The following SAMD4A variants were observed in gnomAD, a reference collection of about 807,000 sequenced individuals.
SAMD4A encodes protein Smaug homolog 1.
SAMD4A carries 33 observed loss-of-function variants against 81.3 expected under a neutral mutation model. The observed-to-expected ratio is 0.41, with a 90% CI of 0.31 to 0.54. The LOEUF (loss-of-function observed/expected upper bound fraction) is 0.54, where lower values mean the gene tolerates loss of function less well. Among genes scored for constraint, SAMD4A ranks in the 20% least tolerant of loss-of-function variants. SAMD4A has a pLI of 0.37. For missense variants in SAMD4A, 854 were observed against 951.1 expected (o/e 0.90, Z 1.34); for synonymous variants, 389 against 382.1 (o/e 1.02, Z -0.21).
intron 2 of SAMD4A, among the ~76,000 whole-genome samples, chr14:54,647,795 C>T (rs2035317231): frequency 6.6e-6 from 1 of 152,182 alleles, no homozygotes; most frequent in African/African-American, 2.4e-5. Flanking sequence ...ATGGAATTTA[C>T]TCTCATAGAT....
At chr14:54,776,330 T>C in intron 10 of SAMD4A, 84 bp from the exon 11 acceptor site, 1 of 1,434,566 alleles carries the variant, frequency 7.0e-7, no homozygotes, top group Admixed American at 2.5e-5. Context: ...CTGGGATCTT[T>C]GCCTCCCAAA....
intron 2 of SAMD4A, among the ~76,000 whole-genome samples, chr14:54,602,323 T>TACACACACACAC (rs3049830): frequency 1.2e-4 from 16 of 136,640 alleles, no homozygotes; most frequent in South Asian, 7.5e-4. Context: ...TGCTTTAAAA[T>TACACACACACAC]ACACACACAC....
At chr14:54,730,334 T>C (rs983136460) in intron 3 of SAMD4A, among the ~76,000 whole-genome samples, 6 of 152,350 alleles carry the variant, frequency 3.9e-5, no homozygotes, top group African/African-American at 1.4e-4. Context: ...TGTGATGTTC[T>C]TTGCAGCTTT....
intron 2 of SAMD4A, among the ~76,000 whole-genome samples, chr14:54,619,464 A>G (rs1389393378): frequency 6.6e-6 from 1 of 152,230 alleles, no homozygotes; most frequent in Non-Finnish European, 1.5e-5. Flanking sequence ...GACTATAACA[A>G]GTTTAACCAA....
intron 8 of SAMD4A, among the ~76,000 whole-genome samples, chr14:54,766,317 C>A (rs1051683284): frequency 8.5e-5 from 13 of 152,290 alleles, no homozygotes; most frequent in African/African-American, 3.1e-4. Context: ...TCCCTAGATA[C>A]TTACTGAGCA....
intron 11 of SAMD4A, among the ~76,000 whole-genome samples, chr14:54,778,641 A>G (rs544136715): frequency 6.6e-6 from 1 of 152,308 alleles, no homozygotes; most frequent in South Asian, 2.1e-4. Context: ...TCTCTCAAGT[A>G]TTACAAACCC....
At chr14:54,587,356 AATCATATC>A (rs1229845499) in intron 2 of SAMD4A, among the ~76,000 whole-genome samples, 1 of 152,196 alleles carries the variant, frequency 6.6e-6, no homozygotes, top group Non-Finnish European at 1.5e-5. Context: ...CTAGGTATAC[AATCATATC>A]ATCAGCAAAC....
At chr14:54,727,165 C>CTTTTTT (rs1457611492) in intron 3 of SAMD4A, among the ~76,000 whole-genome samples, 1 of 79,882 alleles carries the variant, frequency 1.3e-5, no homozygotes, top group Non-Finnish European at 3.0e-5. Flanking sequence ...TTCTTTTTTT[C>CTTTTTT]CTTTTTTTTT....
intron 3 of SAMD4A, among the ~76,000 whole-genome samples, chr14:54,707,408 A>G (rs557841197): frequency 6.8e-4 from 103 of 152,090 alleles, no homozygotes; most frequent in African/African-American, 2.4e-3. Flanking sequence ...CCAGCCTGAC[A>G]TACATTATTG....
At chr14:54,775,836 C>T (rs890296043) in intron 10 of SAMD4A, among the ~76,000 whole-genome samples, 26 of 151,908 alleles carry the variant, frequency 1.7e-4, no homozygotes, top group African/African-American at 5.8e-4. Flanking sequence ...TCAGGCAAGA[C>T]GGGCAGGATT....
chr14:54,751,520 C>T lies in SAMD4A; in HGVS notation c.1159C>T (p.Leu387=), dbSNP rs2038100956. The T allele has an allele frequency of 6.2e-7, 1 of 1,605,354 alleles. No homozygotes were observed. The highest frequency in any genetic ancestry group is 1.3e-5 in the African/African-American group (1 of 74,698). Residue 387 remains leucine (L), a synonymous_variant, in exon 6 of 13, where the codon CTG becomes TTG. Transcript: ENST00000554335. The part of the protein sequence containing the change: ...IQKLKERQNL[L]KSLERDIIEG... ...GAAGCTCAAAGAAAGACAAAATCTC[C>T]TGAAGTCTTTGGAAAGGGTAAGTTA... is the stretch of plus-strand genomic sequence containing the variant.
chr14:54,609,641 C>G (rs988353933), intron 2 of SAMD4A, among the ~76,000 whole-genome samples: 2 of 152,192 alleles, frequency 1.3e-5, no homozygotes, highest in Admixed American at 6.5e-5. Context: ...TTTAACAAGA[C>G]AAGTTTGAAA....
intron 3 of SAMD4A, among the ~76,000 whole-genome samples, chr14:54,724,007 T>TGGAAGGAAGGAAGGA (rs1555347507): frequency 1.6e-5 from 2 of 124,176 alleles, no homozygotes; most frequent in Non-Finnish European, 3.4e-5. Flanking sequence ...GATGGATGGA[T>TGGAAGGAAGGAAGGA]GGAAGGAAGG....
chr14:54,604,532 G>A (rs2034147192), intron 2 of SAMD4A, among the ~76,000 whole-genome samples: 1 of 152,208 alleles, frequency 6.6e-6, no homozygotes, highest in African/African-American at 2.4e-5. Flanking sequence ...TTGATGGCAT[G>A]TCTATGCAAC....
intron 2 of SAMD4A, among the ~76,000 whole-genome samples, chr14:54,687,573 G>C (rs1006245805): frequency 6.6e-6 from 1 of 152,202 alleles, no homozygotes; most frequent in Non-Finnish European, 1.5e-5. Context: ...GAGCATCTGG[G>C]CCGGCGATGC....
chr14:54,775,004 C>G lies in SAMD4A; in HGVS notation c.1786C>G (p.Pro596Ala). 6 of 1,614,186 alleles carry G rather than the reference C, an allele frequency of 3.7e-6. No homozygotes were observed. Among genetic ancestry groups the G allele is most frequent in the Non-Finnish European group, 5.1e-6 (6 of 1,180,026 alleles). ...GGGCGGTGGCATGGGCAGACGGAAC[C>G]CGCGCCAGTACCAGATCCCCTCTCG... ...SVGGGMGRRN[P>A]RQYQIPSRNV... is the part of the protein sequence containing the mutation. Residue 596 changes from proline (P) to alanine (A), a missense_variant, in exon 10 of 13, where the codon CCG (proline) becomes GCG (alanine). Physicochemically the swap from Pro to Ala is conservative, Grantham distance 27. This residue lies in a region of SAMD4A where 428 missense variants were observed against 471.2 expected (regional missense o/e 0.91). Transcript: ENST00000554335.
At chr14:54,719,024 AG>A (rs1339389599) in intron 3 of SAMD4A, among the ~76,000 whole-genome samples, 4 of 152,018 alleles carry the variant, frequency 2.6e-5, no homozygotes, top group Non-Finnish European at 5.9e-5. Flanking sequence ...AAGAAAAAAA[AG>A]AATCCTGACT....
rs2036745216 is a variant in SAMD4A, at chr14:54,702,527, C to T, written c.662C>T (p.Ser221Phe). The change falls in exon 3 of 13, where the codon TCC becomes TTC. Residue 221 changes from serine to phenylalanine, a missense_variant. Transcript: ENST00000554335. ...GAGAATGGCCATGTGCCCCTCTACT[C>T]CTCCTCATCTGTCCCCACCACAATC... ...GCENGHVPLY[S>F]SSSVPTTINT... is the part of the protein sequence containing the mutation. The T allele has an allele frequency of 1.2e-6, 2 of 1,614,158 alleles. No individual in the cohort carries two copies. The highest frequency in any genetic ancestry group is 1.7e-6 in the Non-Finnish European group (2 of 1,179,992).
At chr14:54,675,101 C>G (rs1235403523) in intron 2 of SAMD4A, among the ~76,000 whole-genome samples, 1 of 152,050 alleles carries the variant, frequency 6.6e-6, no homozygotes, top group South Asian at 2.1e-4. Context: ...CATGGTGGCT[C>G]GCGCCTGTAA....
Sources: gnomAD v4.1 joint callset for allele counts (sites outside exome capture counted in the v4.1 genomes callset) on GRCh38, gnomAD v4.1.1 for gene constraint, gnomAD v4.1.1 regional missense constraint, MANE v1.5 for transcripts, NCBI Gene and HGNC (gene_info 2026-07-23, HGNC 2026-07-21) for gene names.